VAV1: variants seen among roughly 807,000 people sequenced by gnomAD.
The protein encoded by VAV1 is proto-oncogene vav.
A neutral mutation model predicts 128.1 loss-of-function variants in VAV1; 33 were observed. The observed-to-expected ratio is 0.26, with a 90% CI of 0.20 to 0.34. The LOEUF is 0.34. Ranked by LOEUF, VAV1 falls within the 10% of genes least tolerant of loss-of-function variation. The pLI is 1.00. For synonymous variants in VAV1, 394 were observed against 409.8 expected, an observed-to-expected ratio of 0.96 and a Z score of 0.47; for missense variants, 715 against 1,093.7, an observed-to-expected ratio of 0.65 and a Z score of 4.88.
At chr19:6,851,229 C>T (rs147764536) in intron 24 of VAV1, among the ~76,000 whole-genome samples, 5 of 152,084 alleles carry the variant, frequency 3.3e-5, no homozygotes, top group Non-Finnish European at 7.4e-5. Context: ...GGCTGGAGTG[C>T]AGTGGTGCAA....
chr19:6,849,457 T>G (rs1000443581), intron 23 of VAV1, among the ~76,000 whole-genome samples: 1 of 136,838 alleles, frequency 7.3e-6, no homozygotes, highest in Non-Finnish European at 1.6e-5. Flanking sequence ...GCCTGGCTAA[T>G]TTTTTTGTAT....
intron 1 of VAV1, among the ~76,000 whole-genome samples, chr19:6,795,828 C>G (rs750428732): frequency 1.3e-5 from 2 of 152,152 alleles, no homozygotes; most frequent in Non-Finnish European, 2.9e-5. Flanking sequence ...GGACTACAGG[C>G]GCGTGCCACC....
chr19:6,783,470 C>CTTTTTTTT (rs61101390), intron 1 of VAV1, among the ~76,000 whole-genome samples: 3 of 113,798 alleles, frequency 2.6e-5, no homozygotes, highest in Non-Finnish European at 5.2e-5. Context: ...CACCTCCATC[C>CTTTTTTTT]TTTTTTTTTT....
At chr19:6,804,361 C>G (rs1971339627) in intron 1 of VAV1, among the ~76,000 whole-genome samples, 1 of 152,018 alleles carries the variant, frequency 6.6e-6, no homozygotes, top group South Asian at 2.1e-4. Context: ...TCTTGCAGGG[C>G]TACCCCACAG....
intron 17 of VAV1, 33 bp from the exon 18 acceptor site, chr19:6,833,678 C>T: frequency 1.2e-6 from 2 of 1,614,080 alleles, no homozygotes; most frequent in Non-Finnish European, 1.7e-6. Context: ...TGGAGGATTT[C>T]CCGTTCTCAC....
intron 22 of VAV1, among the ~76,000 whole-genome samples, chr19:6,844,999 A>G (rs1208917121): frequency 2.0e-5 from 3 of 152,012 alleles, no homozygotes; most frequent in Non-Finnish European, 4.4e-5. Flanking sequence ...CAAAATGTTG[A>G]TGTTTGTTCA....
intron 21 of VAV1, among the ~76,000 whole-genome samples, chr19:6,842,888 C>A (rs1972414349): frequency 1.3e-5 from 2 of 152,042 alleles, no homozygotes; most frequent in African/African-American, 4.8e-5. Context: ...AATGTAAAAA[C>A]CATTCTTGAC....
intron 1 of VAV1, chr19:6,784,357 G>A (rs1021915463): frequency 2.3e-6 from 1 of 427,984 alleles, no homozygotes; most frequent in South Asian, 7.3e-5. Context: ...GGATGAGGGA[G>A]CTGGGTGATA....
chr19:6,838,651 C>G (rs1972291789), intron 21 of VAV1, among the ~76,000 whole-genome samples: 1 of 152,014 alleles, frequency 6.6e-6, no homozygotes, highest in Non-Finnish European at 1.5e-5. Context: ...TTATCCATCA[C>G]CTGTCTGTTT....
chr19:6,823,488 G>T (rs1203487580), intron 6 of VAV1, among the ~76,000 whole-genome samples: 1 of 150,830 alleles, frequency 6.6e-6, no homozygotes, highest in East Asian at 1.9e-4. Context: ...GTATGTATAA[G>T]ATATGTAATA....
Position 6,836,467 on chromosome 19 carries a change from G to A in VAV1, c.1813G>A (p.Gly605Arg), listed in dbSNP as rs754314420. 5.0e-6 allele frequency: 8 copies of A among 1,614,008 alleles called. No homozygotes were observed. The highest frequency in any genetic ancestry group is 2.2e-5 in the East Asian group (1 of 44,862). Residue 605 changes from glycine to arginine, a missense_variant, in exon 20 of 27, where the codon GGG becomes AGG. Gly to Arg is a moderately radical substitution (Grantham distance 125). Around this residue, in one of 3 missense-constraint regions of VAV1, gnomAD observed 407 missense variants for 580.6 expected, o/e 0.70. Transcript: ENST00000602142. ...GATGGAGGTGTTTCAGGAATACTACGGGCTTCCTCCACCCCCTGGAGCCAT... is the reference window on the plus strand; with the variant it reads ...GATGGAGGTGTTTCAGGAATACTACAGGCTTCCTCCACCCCCTGGAGCCAT... The part of the protein sequence containing the change: ...PKMEVFQEYY[G>R]LPPPPGAIGP...
rs544542963 is a variant in VAV1, at chr19:6,857,028, C to G, written c.2485-26C>G. 1.2e-5 allele frequency: 19 copies of G among 1,612,006 alleles called. No individual in the cohort carries two copies. The South Asian group carries it at 1.9e-4, about 16-fold the overall frequency. On this transcript the variant is annotated intron_variant, in intron 26 of 26. Transcript: ENST00000602142. ...AGTAGGAGGATGTGCAGAGGTTGCA[C>G]TGATGAACTCCTCGTCTGTTTCCAG...
chr19:6,850,022 G>A (rs560967753), intron 23 of VAV1, among the ~76,000 whole-genome samples: 36 of 151,892 alleles, frequency 2.4e-4, no homozygotes, highest in Admixed American at 6.6e-4. Flanking sequence ...ACTGCTTTCC[G>A]CAGTGGCTGA....
chr19:6,815,780 T>C (rs1039755766), intron 1 of VAV1, among the ~76,000 whole-genome samples: 1 of 152,020 alleles, frequency 6.6e-6, no homozygotes, highest in Non-Finnish European at 1.5e-5. Context: ...CCTTGAAGAG[T>C]TGCTGGGAGG....
In VAV1 at chr19:6,826,650, C is replaced by T. The variant is rs1029661692; in HGVS notation, c.866C>T (p.Ser289Leu). Residue 289 changes from serine to leucine, a missense_variant, in exon 9 of 27, where the codon TCA becomes TTA. Transcript: ENST00000602142. This position sits in a 1 kb window ranked among gnomAD's most constrained non-coding sequence, Gnocchi z 4.1. ...GGCCGCTACTGCAGCCAGGTGGAGT[C>T]AGCCAGCAAACACCTGGACCGTGTG... Reference protein sequence around the residue: ...VYGRYCSQVESASKHLDRVAA... With the variant: ...VYGRYCSQVELASKHLDRVAA... 1.3e-6 allele frequency: 2 copies of T among 1,561,974 alleles called. No individual in the cohort carries two copies. Among genetic ancestry groups the T allele is most frequent in the African/African-American group, 1.4e-5 (1 of 73,636 alleles).
At chr19:6,785,193 AG>A in intron 1 of VAV1, among the ~76,000 whole-genome samples, 1 of 152,076 alleles carries the variant, frequency 6.6e-6, no homozygotes, top group South Asian at 2.1e-4. Flanking sequence ...TTTTCGGAGA[AG>A]GGGGTCTTGC....
chr19:6,817,995 T>C (rs901656038), intron 1 of VAV1, among the ~76,000 whole-genome samples: 5 of 152,258 alleles, frequency 3.3e-5, no homozygotes, highest in African/African-American at 1.2e-4. Flanking sequence ...CTTAAATTTG[T>C]TTTTGTAGAA....
rs761768326 is a variant in VAV1 at position 6,857,131 on chromosome 19, C to T, written c.*24C>T. The T allele has an allele frequency of 1.2e-5, 20 of 1,613,580 alleles. No individual in the cohort carries two copies. In the East Asian group the frequency reaches 1.6e-4, roughly 13 times the overall value. ...GAGCCCTGGTGCCTTGGCAGAGAGA[C>T]GAGAAACTCCAGGCTCTGAGCCCGG... is the stretch of plus-strand genomic sequence containing the variant. On this transcript the variant is annotated 3_prime_UTR_variant, in exon 27 of 27. Coordinates refer to ENST00000602142, the MANE Select transcript of VAV1 (RefSeq NM_005428.4).
In VAV1 at chr19:6,825,252, C is replaced by T; in HGVS notation, c.724-51C>T. On this transcript the variant is annotated intron_variant, in intron 7 of 26. Transcript: ENST00000602142. ...GGGTGGATGACCCTTTCCTTCCTGG[C>T]CCCCTGAGCCCTGGGCTCTGGTCCC... The T allele has an allele frequency of 1.3e-6, 2 of 1,581,928 alleles. 1 individual carries two copies. Among genetic ancestry groups the T allele is most frequent in the South Asian group, 2.2e-5 (2 of 89,800 alleles).
Sources: allele counts gnomAD v4.1 joint callset (sites outside exome capture counted in the v4.1 genomes callset), GRCh38; gene constraint gnomAD v4.1.1; regional missense constraint gnomAD v4.1.1; non-coding constraint Gnocchi (gnomAD v3.1); transcripts MANE v1.5; gene names NCBI Gene and HGNC (gene_info 2026-07-23, HGNC 2026-07-21).